AGBL1: variants seen among roughly 807,000 people sequenced by gnomAD.
AGBL1 encodes the protein AGBL carboxypeptidase 1, also known as cytosolic carboxypeptidase 4.
Under a neutral mutation model 118.9 loss-of-function variants are expected in AGBL1, and 130 were observed. That is an observed-to-expected ratio of 1.09 (90% CI 0.95 to 1.26). AGBL1 has a LOEUF of 1.26. AGBL1 is among the 50% of genes most tolerant of loss of function. The pLI, the probability that AGBL1 is intolerant of heterozygous loss-of-function variation, is 0.00. For missense variants in AGBL1, 1,584 were observed against 1,298.1 expected (o/e 1.22, Z -3.38); for synonymous variants, 555 against 478.9 (o/e 1.16, Z -2.08).
At chr15:86,754,778 T>C (rs1173353481) in intron 22 of AGBL1, among the ~76,000 whole-genome samples, 1 of 152,092 alleles carries the variant, frequency 6.6e-6, no homozygotes, top group Non-Finnish European at 1.5e-5. Context: ...TTTTATCTTT[T>C]TGTGTTCCCT....
At chr15:86,742,507 C>T (rs538901146) in intron 22 of AGBL1, among the ~76,000 whole-genome samples, 5 of 152,182 alleles carry the variant, frequency 3.3e-5, no homozygotes, top group South Asian at 2.1e-4. Flanking sequence ...TGAAGTATCA[C>T]GAGATCAGAT....
At chr15:86,963,591 G>C (rs529187930) in intron 23 of AGBL1, among the ~76,000 whole-genome samples, 5 of 152,104 alleles carry the variant, frequency 3.3e-5, no homozygotes, top group Admixed American at 2.0e-4. Context: ...TTGGGTGTCA[G>C]AATATGATTA....
At chr15:86,754,176 A>G (rs2077898880) in intron 22 of AGBL1, among the ~76,000 whole-genome samples, 1 of 152,136 alleles carries the variant, frequency 6.6e-6, no homozygotes, top group Non-Finnish European at 1.5e-5. Context: ...TTTTAAAATT[A>G]TCAACAAATT....
At chr15:86,869,111 G>T (rs2079682198) in intron 22 of AGBL1, among the ~76,000 whole-genome samples, 1 of 152,220 alleles carries the variant, frequency 6.6e-6, no homozygotes, top group Admixed American at 6.5e-5. Context: ...GAGTTAAGCA[G>T]ACTAAACTCT....
At chr15:86,108,205 G>T (rs923316048) in intron 1 of AGBL1, among the ~76,000 whole-genome samples, 85 of 152,188 alleles carry the variant, frequency 5.6e-4, no homozygotes, top group Non-Finnish European at 6.8e-4. Context: ...GCTCTCTTGA[G>T]GAGAGATTTA....
At chr15:87,015,827 G>T (rs1337029328) in intron 24 of AGBL1, among the ~76,000 whole-genome samples, 2 of 151,994 alleles carry the variant, frequency 1.3e-5, no homozygotes, top group Non-Finnish European at 2.9e-5. Context: ...AGACACTTAT[G>T]GGAAAAATGC....
At chr15:86,744,076 A>G (rs974269972) in intron 22 of AGBL1, among the ~76,000 whole-genome samples, 2 of 152,102 alleles carry the variant, frequency 1.3e-5, no homozygotes, top group Non-Finnish European at 2.9e-5. Context: ...ACCCTTCCAA[A>G]TGTTAGCTGA....
intron 21 of AGBL1, among the ~76,000 whole-genome samples, chr15:86,619,057 C>T (rs2084768895): frequency 6.6e-6 from 1 of 152,046 alleles, no homozygotes; most frequent in South Asian, 2.1e-4. Context: ...TGAGGACCCT[C>T]AGGGGTCTGT....
intron 18 of AGBL1, among the ~76,000 whole-genome samples, chr15:86,449,673 A>G (rs1247282640): frequency 6.6e-6 from 1 of 152,222 alleles, no homozygotes; most frequent in African/African-American, 2.4e-5. Flanking sequence ...GCATATGTCT[A>G]TTAAGAGTGT....
intron 21 of AGBL1, among the ~76,000 whole-genome samples, chr15:86,567,997 T>C (rs2083941570): frequency 6.6e-6 from 1 of 152,136 alleles, no homozygotes; most frequent in Non-Finnish European, 1.5e-5. Context: ...TCTGATCTTC[T>C]TTGGGATAGA....
intron 5 of AGBL1, among the ~76,000 whole-genome samples, chr15:86,214,142 G>C (rs1171545911): frequency 6.6e-6 from 1 of 152,204 alleles, no homozygotes; most frequent in Non-Finnish European, 1.5e-5. Flanking sequence ...TAACAGTCAG[G>C]TTTGTCTTCA....
intron 2 of AGBL1, among the ~76,000 whole-genome samples, chr15:86,142,735 G>T (rs1435226251): frequency 6.6e-6 from 1 of 152,174 alleles, no homozygotes; most frequent in South Asian, 2.1e-4. Context: ...TTTGTGCTGC[G>T]TTCCACTGGC....
At chr15:86,170,200 A>G (rs80355399) in intron 5 of AGBL1, among the ~76,000 whole-genome samples, 2 of 152,256 alleles carry the variant, frequency 1.3e-5, no homozygotes, top group African/African-American at 2.4e-5. Flanking sequence ...ACCTCTGGAG[A>G]TGAAATCTAC....
At chr15:86,959,552 C>A (rs1243198956) in intron 23 of AGBL1, among the ~76,000 whole-genome samples, 1 of 147,900 alleles carries the variant, frequency 6.8e-6, no homozygotes, top group Non-Finnish European at 1.5e-5. Flanking sequence ...ACACAAACAC[C>A]CAAAGTCTTC....
At chr15:86,785,303 C>G (rs2078392147) in intron 22 of AGBL1, among the ~76,000 whole-genome samples, 2 of 150,160 alleles carry the variant, frequency 1.3e-5, no homozygotes, top group Non-Finnish European at 3.0e-5. Flanking sequence ...CGTCGGAATC[C>G]TTTAGGACTT....
At chr15:86,288,225 T>C (rs1393092794) in intron 16 of AGBL1, among the ~76,000 whole-genome samples, 4 of 152,300 alleles carry the variant, frequency 2.6e-5, no homozygotes, top group African/African-American at 7.2e-5. Context: ...ATCTTAAAAA[T>C]AATTTGTTTA....
intron 17 of AGBL1, among the ~76,000 whole-genome samples, chr15:86,331,243 C>G (rs1009662046): frequency 9.0e-5 from 11 of 122,206 alleles, no homozygotes; most frequent in Non-Finnish European, 1.8e-4. Context: ...AAAAAAAAAA[C>G]AAAGTCTGAG....
At chr15:86,730,317 A>T (rs1038785083) in intron 22 of AGBL1, among the ~76,000 whole-genome samples, 1 of 152,208 alleles carries the variant, frequency 6.6e-6, no homozygotes, top group Admixed American at 6.5e-5. Context: ...CAACAGAGTC[A>T]ACAGACAGAA....
intron 1 of AGBL1, among the ~76,000 whole-genome samples, chr15:86,132,961 C>T (rs2076838585): frequency 1.3e-5 from 2 of 152,138 alleles, no homozygotes; most frequent in South Asian, 4.1e-4. Context: ...ATGGCCATCG[C>T]CTATTTATTT....
Sources: allele counts gnomAD v4.1 joint callset (sites outside exome capture counted in the v4.1 genomes callset), GRCh38; gene constraint gnomAD v4.1.1; transcripts MANE v1.5; gene names NCBI Gene and HGNC (gene_info 2026-07-23, HGNC 2026-07-21).